Variants in DGKB observed in about 807,000 individuals in gnomAD.
DGKB encodes the protein diacylglycerol kinase beta.
A neutral mutation model predicts 114.3 loss-of-function variants in DGKB; 67 were observed. That is an observed-to-expected ratio of 0.59 (90% CI 0.48 to 0.72). The LOEUF (loss-of-function observed/expected upper bound fraction) is 0.72. DGKB is among the 30% of genes least tolerant of loss of function. The pLI is 0.00. For synonymous variants in DGKB, 398 were observed against 323.1 expected (o/e 1.23, Z -2.49); for missense variants, 907 against 975.2 (o/e 0.93, Z 0.93).
chr7:14,739,397 T>C, intron 4 of DGKB, among the ~76,000 whole-genome samples: 1 of 152,314 alleles, frequency 6.6e-6, no homozygotes, highest in South Asian at 2.1e-4. Context: ...TCATGCTCTA[T>C]GCAGGGGAGA....
At chr7:14,567,493 ATATATAAT>A (rs1338046810) in intron 20 of DGKB, among the ~76,000 whole-genome samples, 12 of 87,952 alleles carry the variant, frequency 1.4e-4, no homozygotes, top group East Asian at 6.0e-4. Flanking sequence ...TTTATATATT[ATATATAAT>A]TATATAATTA....
chr7:14,532,383 TC>T (rs1437849875), intron 20 of DGKB, among the ~76,000 whole-genome samples: 2 of 151,430 alleles, frequency 1.3e-5, no homozygotes, highest in African/African-American at 2.4e-5. Context: ...ATACATACTG[TC>T]TACAAGAATT....
At chr7:14,925,474 T>G (rs1287914028) in intron 1 of DGKB, among the ~76,000 whole-genome samples, 3 of 152,190 alleles carry the variant, frequency 2.0e-5, no homozygotes, top group Non-Finnish European at 2.9e-5. Context: ...GGGATTAAAC[T>G]TATAGGTCAA....
intron 4 of DGKB, among the ~76,000 whole-genome samples, chr7:14,736,543 T>C (rs1443714803): frequency 6.6e-6 from 1 of 152,192 alleles, no homozygotes; most frequent in Admixed American, 6.5e-5. Context: ...GTTGTTGCAG[T>C]GATTAAATCA....
intron 14 of DGKB, among the ~76,000 whole-genome samples, chr7:14,627,949 A>T (rs1808922186): frequency 5.3e-5 from 2 of 37,880 alleles, no homozygotes; most frequent in Non-Finnish European, 1.5e-4. Context: ...TCTCAAAAAA[A>T]CAAAAAAAAA....
chr7:14,510,100 C>G (rs1046094039), intron 20 of DGKB, among the ~76,000 whole-genome samples: 2 of 152,156 alleles, frequency 1.3e-5, no homozygotes. Context: ...TGTCTCAATG[C>G]TGAGGCTGTT....
At chr7:14,219,984 GAGAAATGCA>G (rs2128321322) in intron 23 of DGKB, among the ~76,000 whole-genome samples, 2 of 151,686 alleles carry the variant, frequency 1.3e-5, no homozygotes, top group South Asian at 4.1e-4. Context: ...ACTACTTTCT[GAGAAATGCA>G]TCATTAGGTG....
chr7:14,941,602 G>A (rs976694373), intron 1 of DGKB, among the ~76,000 whole-genome samples: 1 of 151,944 alleles, frequency 6.6e-6, no homozygotes, highest in Non-Finnish European at 1.5e-5. Context: ...TCTTGAAATG[G>A]CACTCAAACA....
intron 1 of DGKB, among the ~76,000 whole-genome samples, chr7:14,951,923 A>G (rs1289119246): frequency 6.6e-6 from 1 of 152,080 alleles, no homozygotes; most frequent in Non-Finnish European, 1.5e-5. Flanking sequence ...ATCTAAATAA[A>G]AGGAAAGATA....
intron 17 of DGKB, among the ~76,000 whole-genome samples, chr7:14,603,076 C>G (rs1803850127): frequency 6.6e-6 from 1 of 152,100 alleles, no homozygotes; most frequent in South Asian, 2.1e-4. Context: ...GTGTGAAAGG[C>G]AAGCAATTAT....
Position 14,325,328 on chromosome 7 carries a change from G to A in DGKB, c.2122+13187C>T, listed in dbSNP as rs542823782. On this transcript the variant is annotated intron_variant, in intron 23 of 25. Transcript: ENST00000402815. ...GTTATATGGTTCCGAGGGAATCAGT[G>A]CTGTTGGCCAACACAATCTTAAGAA... Among the ~76,000 whole-genome samples, 5 of 152,258 alleles carry A rather than the reference G, an allele frequency of 3.3e-5. No individual in the cohort carries two copies. In the East Asian group the frequency reaches 9.7e-4, roughly 29 times the overall value.
chr7:14,746,657 C>T (rs1586178782), intron 4 of DGKB, among the ~76,000 whole-genome samples: 1 of 152,010 alleles, frequency 6.6e-6, no homozygotes, highest in African/African-American at 2.4e-5. Flanking sequence ...CACAACCACG[C>T]CCAGCTAATT....
chr7:14,474,460 C>T (rs559082824), intron 21 of DGKB, among the ~76,000 whole-genome samples: 97 of 152,286 alleles, frequency 6.4e-4, no homozygotes, highest in African/African-American at 2.3e-3. Context: ...GAGTAATACA[C>T]TGCCAATACT....
chr7:14,422,888 G>A (rs562790733), intron 21 of DGKB, among the ~76,000 whole-genome samples: 2 of 151,946 alleles, frequency 1.3e-5, no homozygotes, highest in South Asian at 2.1e-4. Context: ...ACTGGTATGC[G>A]GTTAAGTTCT....
intron 1 of DGKB, among the ~76,000 whole-genome samples, chr7:14,927,151 C>A (rs187830747): frequency 3.4e-4 from 52 of 151,934 alleles, no homozygotes; most frequent in African/African-American, 1.2e-3. Flanking sequence ...CTGGTAGATA[C>A]TTTTACTTAT....
chr7:14,661,894 C>T (rs9771001), intron 13 of DGKB, among the ~76,000 whole-genome samples: 7,223 of 152,002 alleles, frequency 0.048, 593 homozygotes, highest in African/African-American at 0.16. Context: ...GATGAGTTCA[C>T]GTCCTTTGTA....
intron 21 of DGKB, among the ~76,000 whole-genome samples, chr7:14,438,242 C>A (rs62443279): frequency 6.6e-6 from 1 of 152,016 alleles, no homozygotes; most frequent in African/African-American, 2.4e-5. Context: ...CTCTCTGCCT[C>A]GTTATCAGGT....
chr7:14,561,426 G>C (rs1796642077), intron 20 of DGKB, among the ~76,000 whole-genome samples: 1 of 152,174 alleles, frequency 6.6e-6, no homozygotes, highest in South Asian at 2.1e-4. Context: ...GTGGCGTGCT[G>C]TTTTAAAGAT....
At chr7:14,215,876 T>C (rs1223722590) in intron 23 of DGKB, among the ~76,000 whole-genome samples, 5 of 152,208 alleles carry the variant, frequency 3.3e-5, no homozygotes, top group African/African-American at 1.2e-4. Context: ...AAAAAATTTA[T>C]TTATACAATG....
Sources: allele counts gnomAD v4.1 joint callset (sites outside exome capture counted in the v4.1 genomes callset), GRCh38; gene constraint gnomAD v4.1.1; transcripts MANE v1.5; gene names NCBI Gene and HGNC (gene_info 2026-07-23, HGNC 2026-07-21).